The following EPHA7 variants were observed in gnomAD, a reference collection of about 807,000 sequenced individuals.
EPHA7 encodes the protein ephrin type-A receptor 7.
In EPHA7, 25 loss-of-function variants were observed where a neutral mutation model predicts 112.6. The observed-to-expected ratio is 0.22, with a 90% CI of 0.16 to 0.31. The LOEUF (loss-of-function observed/expected upper bound fraction) is 0.31, where lower values mean the gene tolerates loss of function less well. EPHA7 is among the 10% of genes least tolerant of loss of function. EPHA7 has a pLI of 1.00. For missense variants in EPHA7, 962 were observed against 1,212.6 expected (o/e 0.79, Z 3.07); for synonymous variants, 437 against 406.5 (o/e 1.07, Z -0.90).
Position 93,411,187 on chromosome 6 carries a change from A to C in EPHA7, c.163-17T>G, listed in dbSNP as rs1778959727. 1 of 1,593,638 alleles carries C rather than the reference A, an allele frequency of 6.3e-7. No homozygotes were observed. Among genetic ancestry groups the C allele is most frequent in the Admixed American group, 1.8e-5 (1 of 57,070 alleles). Reference sequence around the variant, plus strand: ...TTCTTCCCACTGTAAAATTTGAAAAAAGGTCATCAGTCATTCAGCAAAAAA... The same window carrying C: ...TTCTTCCCACTGTAAAATTTGAAAACAGGTCATCAGTCATTCAGCAAAAAA... On this transcript the variant is annotated splice_polypyrimidine_tract_variant and intron_variant, in intron 2 of 16. Coordinates refer to ENST00000369303, the MANE Select transcript of EPHA7 (RefSeq NM_004440.4).
At chr6:93,286,622 G>C (rs564301109) in intron 5 of EPHA7, among the ~76,000 whole-genome samples, 1 of 152,072 alleles carries the variant, frequency 6.6e-6, no homozygotes, top group Non-Finnish European at 1.5e-5. Flanking sequence ...AGAAACCAAA[G>C]GAATTGATTC....
intron 5 of EPHA7, among the ~76,000 whole-genome samples, chr6:93,336,531 T>A (rs1415335008): frequency 1.3e-5 from 2 of 152,096 alleles, no homozygotes; most frequent in Non-Finnish European, 2.9e-5. Context: ...GCCTCCCGAG[T>A]AGCTGGGACT....
intron 5 of EPHA7, among the ~76,000 whole-genome samples, chr6:93,354,468 T>G (rs1775842726): frequency 6.6e-6 from 1 of 151,918 alleles, no homozygotes; most frequent in African/African-American, 2.4e-5. Context: ...AATGTATAGG[T>G]ATTCTTTTTA....
At chr6:93,351,418 G>A (rs1253356347) in intron 5 of EPHA7, among the ~76,000 whole-genome samples, 2 of 151,916 alleles carry the variant, frequency 1.3e-5, no homozygotes, top group African/African-American at 4.8e-5. Context: ...TTTGCTTCCT[G>A]GGGAGCCCAA....
At chr6:93,287,044 G>A (rs1025440033) in intron 5 of EPHA7, among the ~76,000 whole-genome samples, 4 of 152,122 alleles carry the variant, frequency 2.6e-5, no homozygotes, top group African/African-American at 9.7e-5. Flanking sequence ...GTACTAACAA[G>A]GAATACTCCA....
At chr6:93,289,689 G>A (rs1237109083) in intron 5 of EPHA7, among the ~76,000 whole-genome samples, 1 of 152,068 alleles carries the variant, frequency 6.6e-6, no homozygotes, top group African/African-American at 2.4e-5. Context: ...TAATCTTAAG[G>A]TTTACCTTAT....
At chr6:93,284,838 GC>G (rs1379944706) in intron 5 of EPHA7, among the ~76,000 whole-genome samples, 2 of 149,112 alleles carry the variant, frequency 1.3e-5, no homozygotes, top group Non-Finnish European at 3.0e-5. Flanking sequence ...ACACACCAGG[GC>G]CTGTTGGGGG....
intron 3 of EPHA7, among the ~76,000 whole-genome samples, chr6:93,401,502 G>A (rs1442466979): frequency 6.6e-6 from 1 of 151,782 alleles, no homozygotes. Context: ...TATAACTTTA[G>A]CCAAAGTGTG....
intron 5 of EPHA7, among the ~76,000 whole-genome samples, chr6:93,353,731 C>T (rs762013763): frequency 4.1e-4 from 62 of 152,058 alleles, no homozygotes; most frequent in Non-Finnish European, 7.5e-4. Context: ...ATTATTTTAT[C>T]CCCATTTTTT....
At chr6:93,314,884 A>G (rs1773720547) in intron 5 of EPHA7, among the ~76,000 whole-genome samples, 1 of 113,760 alleles carries the variant, frequency 8.8e-6, no homozygotes, top group African/African-American at 3.5e-5. Flanking sequence ...TTTTTTTGAG[A>G]CGGAGTCTCG....
At chr6:93,303,087 C>T (rs1773073207) in intron 5 of EPHA7, among the ~76,000 whole-genome samples, 1 of 152,160 alleles carries the variant, frequency 6.6e-6, no homozygotes, top group South Asian at 2.1e-4. Flanking sequence ...AGTTGCCTCA[C>T]ACTGAGCACA....
Position 93,257,767 on chromosome 6 carries a change from G to C in EPHA7, c.2111-244C>G, listed in dbSNP as rs373630631. Among the ~76,000 whole-genome samples, 5 of 152,102 alleles carry C rather than the reference G, an allele frequency of 3.3e-5. No homozygotes were observed. In the East Asian group the frequency reaches 5.8e-4, roughly 18 times the overall value. On this transcript the variant is annotated intron_variant, in intron 11 of 16. Transcript: ENST00000369303. ...TGTGTTCTTCTGACTCCTGCTTTGTGAGTAAAACTCAGAGAAAATTACACT... is the reference window on the plus strand; with the variant it reads ...TGTGTTCTTCTGACTCCTGCTTTGTCAGTAAAACTCAGAGAAAATTACACT...
At chr6:93,330,940 A>T (rs1456439664) in intron 5 of EPHA7, among the ~76,000 whole-genome samples, 1 of 151,366 alleles carries the variant, frequency 6.6e-6, no homozygotes, top group Non-Finnish European at 1.5e-5. Context: ...TGATCTTAGG[A>T]CTTTGCTGTA....
At chr6:93,255,707 C>A in intron 13 of EPHA7, 121 bp downstream of exon 13, 1 of 850,614 alleles carries the variant, frequency 1.2e-6, no homozygotes, top group Non-Finnish European at 1.8e-6. Flanking sequence ...AAAAAGCAAC[C>A]TCAAAATGCT....
intron 5 of EPHA7, among the ~76,000 whole-genome samples, chr6:93,295,503 T>G (rs1772613759): frequency 6.6e-6 from 1 of 151,416 alleles, no homozygotes; most frequent in African/African-American, 2.4e-5. Context: ...AGATATTTCT[T>G]TATCTAATTA....
chr6:93,283,034 G>A (rs545476536), intron 5 of EPHA7, among the ~76,000 whole-genome samples: 15 of 152,300 alleles, frequency 9.8e-5, no homozygotes, highest in Non-Finnish European at 1.3e-4. Flanking sequence ...CTGCGGCCCC[G>A]GTGCGGGATC....
intron 3 of EPHA7, among the ~76,000 whole-genome samples, chr6:93,364,390 G>C (rs1264270814): frequency 1.3e-5 from 2 of 151,868 alleles, no homozygotes; most frequent in Non-Finnish European, 2.9e-5. Context: ...CAGGCGTGGT[G>C]GCAGGCACCT....
At chr6:93,376,966 A>G (rs1168004144) in intron 3 of EPHA7, among the ~76,000 whole-genome samples, 3 of 152,214 alleles carry the variant, frequency 2.0e-5, no homozygotes, top group Non-Finnish European at 4.4e-5. Context: ...CATTTTACAT[A>G]TAACCACCAT....
At chr6:93,373,085 T>C (rs1030859972) in intron 3 of EPHA7, among the ~76,000 whole-genome samples, 1 of 152,134 alleles carries the variant, frequency 6.6e-6, no homozygotes, top group East Asian at 1.9e-4. Flanking sequence ...TGTTCAAATA[T>C]TTAATTGTGA....
Sources: allele counts gnomAD v4.1 joint callset (sites outside exome capture counted in the v4.1 genomes callset), GRCh38; gene constraint gnomAD v4.1.1; transcripts MANE v1.5; gene names NCBI Gene and HGNC (gene_info 2026-07-23, HGNC 2026-07-21).